The following OR4Q3 variants were observed in gnomAD, a reference collection of about 807,000 sequenced individuals.
OR4Q3 encodes olfactory receptor 4Q3.
OR4Q3 carries 17 observed loss-of-function variants against 18.8 expected under a neutral mutation model. The ratio of observed to expected loss-of-function variants is 0.91; its 90% CI spans 0.62 to 1.36. The LOEUF (loss-of-function observed/expected upper bound fraction) is 1.36. Ranked by LOEUF, OR4Q3 falls within the 40% of genes most tolerant of loss-of-function variation. The pLI, the probability that OR4Q3 is intolerant of heterozygous loss-of-function variation, is 0.00. For synonymous variants in OR4Q3, 158 were observed against 145.8 expected, an observed-to-expected ratio of 1.08 and a Z score of -0.60; for missense variants, 378 against 373.4, an observed-to-expected ratio of 1.01 and a Z score of -0.10.
chr14:19,751,640 T>C, downstream of OR4Q3, among the ~76,000 whole-genome samples: 2 of 152,172 alleles, frequency 1.3e-5, no homozygotes. Context: ...GTTCCAGGAA[T>C]TTATCAGTTT....
chr14:19,748,024 G>A, exon 2 of OR4Q3: 3 of 1,614,042 alleles, frequency 1.9e-6, no homozygotes, highest in Non-Finnish European at 2.5e-6. Context: ...TAGAGGTGCT[G>A]GTGATAGCCA....
At position 19,748,355 on chromosome 14, in the gene OR4Q3, C is replaced by T; in HGVS notation, c.952C>T (p.Pro318Ser). ...GCTGAGGATAAAACCATGTGGCATT[C>T]CATTGCCTTGTTAAGGAATGAGCAG... The change falls in exon 2 of 2, where the codon CCA (proline) becomes TCA (serine). Residue 318 changes from proline to serine, a missense_variant. By Grantham distance (74) the Pro-to-Ser change is moderately conservative. Coordinates refer to ENST00000642117, the Ensembl canonical transcript of OR4Q3. 47 of 1,605,612 alleles carry T rather than the reference C, an allele frequency of 2.9e-5. No individual in the cohort carries two copies. Among genetic ancestry groups the T allele is most frequent in the Admixed American group, 1.7e-4 (10 of 59,508 alleles).
intron 1 of OR4Q3, 57 bp from the exon 2 acceptor site, chr14:19,747,349 G>C: frequency 3.9e-5 from 36 of 925,920 alleles, no homozygotes; most frequent in Non-Finnish European, 4.1e-5. Flanking sequence ...TATGTATATA[G>C]TGTACACATA....
At chr14:19,750,643 A>G, downstream of OR4Q3, among the ~76,000 whole-genome samples, 1 of 152,254 alleles carries the variant, frequency 6.6e-6, no homozygotes, top group Admixed American at 6.5e-5. Flanking sequence ...TGATATAGGG[A>G]CAAAATATGT....
chr14:19,750,715 G>T, downstream of OR4Q3, among the ~76,000 whole-genome samples: 1 of 152,196 alleles, frequency 6.6e-6, no homozygotes, highest in African/African-American at 2.4e-5. Context: ...ATATGTATGT[G>T]TATATGTATA....
chr14:19,749,876 TTCTTTCTTTCTTTCTTTCTTTC>T, downstream of OR4Q3, among the ~76,000 whole-genome samples: 2 of 27,900 alleles, frequency 7.2e-5, no homozygotes, highest in Non-Finnish European at 3.0e-4. Flanking sequence ...CTTTCTTTCT[TTCTTTCTTTCTTTCTTTCTTTC>T]TTTCTTTCTT....
At chr14:19,749,904 TTCTTTTTTC>T, downstream of OR4Q3, among the ~76,000 whole-genome samples, 1 of 8,306 alleles carries the variant, frequency 1.2e-4, no homozygotes. Context: ...CTTTCTTTCT[TTCTTTTTTC>T]TTTCTTTCTT....
chr14:19,749,449 T>C, exon 2 of OR4Q3: 1 of 152,244 alleles, frequency 6.6e-6, no homozygotes, highest in Non-Finnish European at 1.5e-5. Context: ...AAATACAAAA[T>C]TAGCCGGACG....
At chr14:19,749,732 T>G, downstream of OR4Q3, among the ~76,000 whole-genome samples, 11 of 150,914 alleles carry the variant, frequency 7.3e-5, no homozygotes, top group Middle Eastern at 3.4e-3. Context: ...TCTTTCTTTT[T>G]CTTTCTTTCT....
chr14:19,748,243 C>G, exon 2 of OR4Q3: 2 of 1,613,932 alleles, frequency 1.2e-6, no homozygotes, highest in South Asian at 2.2e-5. Flanking sequence ...ATAAGATATT[C>G]TCCTTGTTTT....
chr14:19,748,699 C>A, exon 2 of OR4Q3: 1 of 273,046 alleles, frequency 3.7e-6, no homozygotes, highest in African/African-American at 2.2e-5. Flanking sequence ...ACTTTTTAAT[C>A]TATTCAAATG....
chr14:19,751,418 C>T, downstream of OR4Q3, among the ~76,000 whole-genome samples: 2 of 152,130 alleles, frequency 1.3e-5, no homozygotes, highest in Non-Finnish European at 2.9e-5. Flanking sequence ...AGGAGCCCTT[C>T]CTTTTTTATT....
At chr14:19,745,190 G>C in intron 1 of OR4Q3, among the ~76,000 whole-genome samples, 5 of 152,082 alleles carry the variant, frequency 3.3e-5, no homozygotes, top group African/African-American at 1.2e-4. Context: ...TAATCACCTA[G>C]GAACTGTCCA....
At chr14:19,746,878 G>GTAAGATATTTCCTCA in intron 1 of OR4Q3, among the ~76,000 whole-genome samples, 1 of 152,178 alleles carries the variant, frequency 6.6e-6, no homozygotes, top group Non-Finnish European at 1.5e-5. Flanking sequence ...ACAAAGATGA[G>GTAAGATATTTCCTCA]TAAGATATTT....
downstream of OR4Q3, among the ~76,000 whole-genome samples, chr14:19,750,756 G>A: frequency 6.6e-6 from 1 of 152,240 alleles, no homozygotes; most frequent in Admixed American, 6.5e-5. Context: ...TCACAGACTA[G>A]GAACTAGGCT....
At chr14:19,744,757 G>A in intron 1 of OR4Q3, among the ~76,000 whole-genome samples, 1 of 152,302 alleles carries the variant, frequency 6.6e-6, no homozygotes, top group East Asian at 1.9e-4. Context: ...TGGTGTTTTT[G>A]AATGTGGCTT....
downstream of OR4Q3, among the ~76,000 whole-genome samples, chr14:19,751,320 G>T: frequency 2.6e-3 from 398 of 152,272 alleles, 2 homozygotes; most frequent in African/African-American, 9.0e-3. Context: ...ATGTTCATCA[G>T]GATATTGGCC....
intron 1 of OR4Q3, among the ~76,000 whole-genome samples, chr14:19,745,552 T>A: frequency 6.6e-6 from 1 of 152,170 alleles, no homozygotes; most frequent in Admixed American, 6.6e-5. Flanking sequence ...TCTAGAAACC[T>A]TTTTTAATTA....
chr14:19,751,588 G>A, downstream of OR4Q3, among the ~76,000 whole-genome samples: 3 of 151,694 alleles, frequency 2.0e-5, no homozygotes, highest in Non-Finnish European at 4.4e-5. Context: ...GACTTATTAA[G>A]GATTACAATC....
Sources: allele counts gnomAD v4.1 joint callset (sites outside exome capture counted in the v4.1 genomes callset), GRCh38; gene constraint gnomAD v4.1.1; transcripts MANE v1.5; gene names NCBI Gene and HGNC (gene_info 2026-07-23, HGNC 2026-07-21).